The following ANO9 variants were observed in gnomAD, a reference collection of about 807,000 sequenced individuals.
ANO9 encodes anoctamin 9.
ANO9 carries 80 observed loss-of-function variants against 100.5 expected under a neutral mutation model. The ratio of observed to expected loss-of-function variants is 0.80; its 90% confidence interval spans 0.66 to 0.96. ANO9 has a LOEUF of 0.96. ANO9 is among the 40% of genes least tolerant of loss of function. The probability of loss-of-function intolerance (pLI) is 0.00; values close to 1 mark genes in which losing one functional copy is unlikely to be tolerated. For missense variants in ANO9, 1,064 were observed against 1,072.7 expected (o/e 0.99, Z 0.11); for synonymous variants, 473 against 435.6 (o/e 1.09, Z -1.07).
rs779685768 is a variant in ANO9 at position 418,417 on chromosome 11, T to A, written c.2303A>T (p.His768Leu). 6.2e-7 allele frequency: 1 copy of A among 1,612,516 alleles called. No homozygotes were observed. Among genetic ancestry groups the A allele is most frequent in the South Asian group, 1.1e-5 (1 of 91,074 alleles). Residue 768 changes from histidine to leucine, a missense_variant, in exon 23 of 23, where the codon CAT (histidine) becomes CTT (leucine). His to Leu is a moderately conservative substitution (Grantham distance 99, BLOSUM62 -3). Coordinates refer to ENST00000332826, the MANE Select transcript of ANO9 (RefSeq NM_001012302.3). ...ACTGAAGATGGATGCTGGGGTGGGA[T>A]GGGCAGGCATTGGGGGCCGAGAGCC... ...GAGSRPPMPAHPTPASIFSAR... is the reference protein window; with the variant it reads ...GAGSRPPMPALPTPASIFSAR...
intron 1 of ANO9, among the ~76,000 whole-genome samples, chr11:435,150 T>C (rs1269727044): frequency 1.3e-5 from 2 of 151,746 alleles, no homozygotes; most frequent in African/African-American, 2.4e-5. Flanking sequence ...TATAGTATGG[T>C]ATAGTCTAGT....
chr11:423,457 G>A (rs1301392121), intron 15 of ANO9, among the ~76,000 whole-genome samples: 1 of 152,188 alleles, frequency 6.6e-6, no homozygotes, highest in Non-Finnish European at 1.5e-5. Context: ...CAAACAAACA[G>A]CCTTCCTTCC....
Position 418,208 on chromosome 11 carries a change from A to G in ANO9, c.*163T>C. The G allele has an allele frequency of 1.4e-6, 1 of 706,040 alleles. No individual in the cohort carries two copies. Among genetic ancestry groups the G allele is most frequent in the Non-Finnish European group, 2.3e-6 (1 of 436,058 alleles). The allele number at this position is 706,040 out of a possible 1,614,324, so 43.7% of individuals were successfully genotyped here. ...CCCCCACAAAGACGGAGCAGGCGGA[A>G]TAGGGTGGCAGCTCACAGCCCTGAA... On this transcript the variant is annotated 3_prime_UTR_variant, in exon 23 of 23. Coordinates refer to ENST00000332826, the MANE Select transcript of ANO9 (RefSeq NM_001012302.3).
At position 428,115 on chromosome 11, in the gene ANO9, A is replaced by C. The variant is rs376901890; in HGVS notation, c.1307T>G (p.Leu436Arg). The C allele has an allele frequency of 1.3e-4, 213 of 1,609,952 alleles. No individual in the cohort carries two copies. The highest frequency in any genetic ancestry group is 1.7e-4 in the Non-Finnish European group (199 of 1,179,362). ...TLQFFTHFSS[L>R]IYIAFILGRI... Reference sequence around the variant, plus strand: ...GCCCAGGATGAAGGCGATGTAGATGAGAGACGAGAAATGGGTGAAGAACTG... The same window carrying C: ...GCCCAGGATGAAGGCGATGTAGATGCGAGACGAGAAATGGGTGAAGAACTG... The change falls in exon 15 of 23, where the codon CTC becomes CGC. Residue 436 changes from leucine to arginine, a missense_variant. Leu to Arg is a moderately radical substitution (Grantham distance 102, BLOSUM62 -2). Coordinates refer to ENST00000332826, the MANE Select transcript of ANO9 (RefSeq NM_001012302.3).
At position 422,042 on chromosome 11, in the gene ANO9, G is replaced by C. The variant is rs954857631; in HGVS notation, c.1335-844C>G. On this transcript the variant is annotated intron_variant, in intron 15 of 22. Coordinates refer to ENST00000332826, the MANE Select transcript of ANO9 (RefSeq NM_001012302.3). This position sits in a 1 kb window ranked among gnomAD's most constrained non-coding sequence, Gnocchi z 4.3. The stretch of plus-strand genomic sequence containing the variant: ...GAAAGCCTGGGTGGATAAATCAATC[G>C]AGTGCTCAAGTGGATACAAAACGAG... Among the ~76,000 whole-genome samples the C allele has an allele frequency of 1.3e-5, 2 of 152,202 alleles. No individual in the cohort carries two copies. The highest frequency in any genetic ancestry group is 4.8e-5 in the African/African-American group (2 of 41,436).
In ANO9 at chr11:428,157, A is replaced by T; in HGVS notation, c.1265T>A (p.Ile422Asn). 6.2e-7 allele frequency: 1 copy of T among 1,611,686 alleles called. No individual in the cohort carries two copies. Among genetic ancestry groups the T allele is most frequent in the African/African-American group, 1.3e-5 (1 of 74,432 alleles). The change falls in exon 15 of 23, where the codon ATC becomes AAC. Residue 422 changes from isoleucine to asparagine, a missense_variant. Coordinates refer to ENST00000332826, the MANE Select transcript of ANO9 (RefSeq NM_001012302.3). The part of the protein sequence containing the change: ...TFSERESRFT[I>N]RFFTLQFFTH... ...GAAGAACTGCAGTGTGAAGAAGCGG[A>T]TGGTGAACCTGCTCTCTCGCTCCGA...
chr11:430,192 G>A lies in ANO9; in HGVS notation c.675-13C>T, dbSNP rs1177498377. On this transcript the variant is annotated splice_polypyrimidine_tract_variant and intron_variant, in intron 8 of 22. Coordinates refer to ENST00000332826, the MANE Select transcript of ANO9 (RefSeq NM_001012302.3). ...ACAGATCTCCTTGCTGAAGGGGCAGGGATGAGGCTGGGGTCGGCTCCTCCA... is the reference window on the plus strand; with the variant it reads ...ACAGATCTCCTTGCTGAAGGGGCAGAGATGAGGCTGGGGTCGGCTCCTCCA... 3 of 1,550,852 alleles carry A rather than the reference G, an allele frequency of 1.9e-6. No homozygotes were observed. Among genetic ancestry groups the A allele is most frequent in the Non-Finnish European group, 2.6e-6 (3 of 1,147,568 alleles).
rs1281433477 is a variant in ANO9 at position 418,532 on chromosome 11, A to G, written c.2188T>C (p.Ser730Pro). 9.3e-6 allele frequency: 15 copies of G among 1,613,016 alleles called. No homozygotes were observed. The highest frequency in any genetic ancestry group is 1.3e-5 in the Non-Finnish European group (15 of 1,179,968). ...AAWFVPDIPQ[S>P]VKNKVLEVKY... ...ACCTCCAGAACCTTGTTCTTCACCG[A>G]CTGAGGGATGTCGGGCACGAACCAG... The change falls in exon 23 of 23, where the codon TCG (serine) becomes CCG (proline). Residue 730 changes from serine to proline, a missense_variant. Transcript: ENST00000332826.
Position 418,379 on chromosome 11 carries a change from C to CT in ANO9, c.2340dup (p.Asp781ArgfsTer74), listed in dbSNP as rs1564899962. The CT allele has an allele frequency of 6.2e-7, 1 of 1,608,840 alleles. No homozygotes were observed. The highest frequency in any genetic ancestry group is 1.7e-5 in the Admixed American group (1 of 59,426). ...CTGGACGGGCTCTGGCCCTACACGT[C>CT]TGTGCTCCTGGCACTGAAGATGGAT... On this transcript the variant is annotated frameshift_variant, in exon 23 of 23. Coordinates refer to ENST00000332826, the MANE Select transcript of ANO9 (RefSeq NM_001012302.3). LOFTEE classifies it high-confidence loss of function.
chr11:433,099 C>T (rs1200398368), intron 4 of ANO9: 1 of 606,104 alleles, frequency 1.6e-6, no homozygotes, highest in Non-Finnish European at 2.7e-6. Flanking sequence ...TCAGAATGCT[C>T]TGAGCGTTGA....
At chr11:426,977 C>T (rs1178381874) in intron 15 of ANO9, among the ~76,000 whole-genome samples, 1 of 152,202 alleles carries the variant, frequency 6.6e-6, no homozygotes, top group Admixed American at 6.5e-5. Flanking sequence ...GTCCTTCTGC[C>T]TCCAGACAGG....
intron 19 of ANO9, 155 bp downstream of exon 19, chr11:420,307 CA>C: frequency 2.1e-6 from 3 of 1,452,330 alleles, no homozygotes; most frequent in Non-Finnish European, 2.7e-6. Flanking sequence ...CACCCAGGCT[CA>C]ACCCGCATCC....
In ANO9 at chr11:422,037, C is replaced by T. The variant is rs1848228246; in HGVS notation, c.1335-839G>A. Among the ~76,000 whole-genome samples the T allele has an allele frequency of 6.6e-6, 1 of 152,158 alleles. No homozygotes were observed. The highest frequency in any genetic ancestry group is 1.5e-5 in the Non-Finnish European group (1 of 68,040). ...CAACTGAAAGCCTGGGTGGATAAATCAATCGAGTGCTCAAGTGGATACAAA... is the reference window on the plus strand; with the variant it reads ...CAACTGAAAGCCTGGGTGGATAAATTAATCGAGTGCTCAAGTGGATACAAA... On this transcript the variant is annotated intron_variant, in intron 15 of 22. Coordinates refer to ENST00000332826, the MANE Select transcript of ANO9 (RefSeq NM_001012302.3). This position sits in a 1 kb window ranked among gnomAD's most constrained non-coding sequence, Gnocchi z 4.3.
rs1205402813 is a variant in ANO9, at chr11:429,563, A to G, written c.915+7T>C. 1.2e-6 allele frequency: 2 copies of G among 1,612,280 alleles called. No homozygotes were observed. Among genetic ancestry groups the G allele is most frequent in the Admixed American group, 1.7e-5 (1 of 59,990 alleles). ...CGGCCTCAGCTGCGCTGCCAGCTCC[A>G]CCTCACCTGTTCCTCGTCCCACACG... is the stretch of plus-strand genomic sequence containing the variant. On this transcript the variant is annotated splice_region_variant and intron_variant, in intron 11 of 22. Transcript: ENST00000332826.
In ANO9 at chr11:433,425, A is replaced by G. The variant is rs1489483151; in HGVS notation, c.239T>C (p.Ile80Thr). Residue 80 changes from isoleucine (I) to threonine (T), a missense_variant, in exon 4 of 23, where the codon ATC becomes ACC. Transcript: ENST00000332826. ...GCCAAAGACACTGTTGTCAGCACGG[A>G]TCCCAAAGAAGACCTGTTTCTGGTC... is the stretch of plus-strand genomic sequence containing the variant. ...IRDQKQVFFG[I>T]RADNSVFGLY... is the part of the protein sequence containing the mutation. 1 of 1,613,144 alleles carries G rather than the reference A, an allele frequency of 6.2e-7. No individual in the cohort carries two copies. The highest frequency in any genetic ancestry group is 8.5e-7 in the Non-Finnish European group (1 of 1,179,896).
intron 15 of ANO9, among the ~76,000 whole-genome samples, chr11:426,362 A>G (rs1848522086): frequency 1.3e-5 from 2 of 151,894 alleles, no homozygotes; most frequent in Admixed American, 1.3e-4. Flanking sequence ...GCTTGAGCCC[A>G]GGAGTTCGAG....
chr11:422,548 C>T lies in ANO9; in HGVS notation c.1335-1350G>A, dbSNP rs963619860. Reference sequence around the variant, plus strand: ...GAATCAGAAGGACTCAGGACTCACTCAGAAGGACTCAGCCCCACGCTGCAA... The same window carrying T: ...GAATCAGAAGGACTCAGGACTCACTTAGAAGGACTCAGCCCCACGCTGCAA... On this transcript the variant is annotated intron_variant, in intron 15 of 22. Coordinates refer to ENST00000332826, the MANE Select transcript of ANO9 (RefSeq NM_001012302.3). This position sits in a 1 kb window ranked among gnomAD's most constrained non-coding sequence, Gnocchi z 4.3. 2.0e-5 allele frequency among the ~76,000 whole-genome samples: 3 copies of T among 152,180 alleles called. No homozygotes were observed. Among genetic ancestry groups the T allele is most frequent in the African/African-American group, 4.8e-5 (2 of 41,416 alleles).
rs376082806 is a variant in ANO9 at position 422,091 on chromosome 11, G to A, written c.1335-893C>T. On this transcript the variant is annotated intron_variant, in intron 15 of 22. Transcript: ENST00000332826. This position sits in a 1 kb window ranked among gnomAD's most constrained non-coding sequence, Gnocchi z 4.3. ...AGCATCCAGCAGAACTGGCTTTTCC[G>A]TGTGCGGCAAAGCTGCGGGGAAACA... 1.1e-4 allele frequency among the ~76,000 whole-genome samples: 16 copies of A among 152,256 alleles called. No individual in the cohort carries two copies. The highest frequency in any genetic ancestry group is 6.5e-4 in the Admixed American group (10 of 15,292).
rs1849065530 is a variant in ANO9, at chr11:432,162, G to C, written c.351-108C>G. ...GCCCAGGCCCCTCCCTGTCCTGGCAGAGCCCCCAGCCTGCCAGCCCTGACC... is the reference window on the plus strand; with the variant it reads ...GCCCAGGCCCCTCCCTGTCCTGGCACAGCCCCCAGCCTGCCAGCCCTGACC... On this transcript the variant is annotated intron_variant, in intron 4 of 22. Coordinates refer to ENST00000332826, the MANE Select transcript of ANO9 (RefSeq NM_001012302.3). This position sits in a 1 kb window ranked among gnomAD's most constrained non-coding sequence, Gnocchi z 4.8. 7.9e-7 allele frequency: 1 copy of C among 1,258,792 alleles called. No homozygotes were observed. Among genetic ancestry groups the C allele is most frequent in the Non-Finnish European group, 1.1e-6 (1 of 893,324 alleles). 78.0% of individuals were successfully genotyped at this position (1,258,792 alleles called of 1,614,324 possible). A position where few individuals can be genotyped will look rare whatever the true frequency, so the allele number is the denominator to read the frequency against.
Sources: allele counts gnomAD v4.1 joint callset (sites outside exome capture counted in the v4.1 genomes callset), GRCh38; gene constraint gnomAD v4.1.1; non-coding constraint Gnocchi (gnomAD v3.1); transcripts MANE v1.5; gene names NCBI Gene and HGNC (gene_info 2026-07-23, HGNC 2026-07-21).